Variants in LRRTM4 observed in about 807,000 individuals in gnomAD.
The protein encoded by LRRTM4 is leucine rich repeat transmembrane neuronal 4, also known as leucine-rich repeat transmembrane neuronal protein 4.
LRRTM4 carries 25 observed loss-of-function variants against 47.6 expected under a neutral mutation model. The ratio of observed to expected loss-of-function variants is 0.53; its 90% CI spans 0.38 to 0.73. LRRTM4 has a LOEUF of 0.73. LRRTM4 is among the 30% of genes least tolerant of loss of function. The pLI is 0.00. For missense variants in LRRTM4, 638 were observed against 713.4 expected, an observed-to-expected ratio of 0.89 and a Z score of 1.20; for synonymous variants, 311 against 269.5, an observed-to-expected ratio of 1.15 and a Z score of -1.51.
chr2:76,877,672 T>C (rs1459122060), intron 3 of LRRTM4, among the ~76,000 whole-genome samples: 1 of 152,190 alleles, frequency 6.6e-6, no homozygotes, highest in Admixed American at 6.5e-5. Context: ...TATTTTCTTA[T>C]GATAAAAACT....
chr2:76,808,253 C>T (rs1260484651), intron 3 of LRRTM4, among the ~76,000 whole-genome samples: 8 of 152,166 alleles, frequency 5.3e-5, no homozygotes, highest in South Asian at 2.1e-4. Flanking sequence ...CTCCTGACTT[C>T]GTGATCCGCC....
At chr2:76,792,102 T>C (rs943434088) in intron 3 of LRRTM4, among the ~76,000 whole-genome samples, 1 of 151,748 alleles carries the variant, frequency 6.6e-6, no homozygotes, top group African/African-American at 2.4e-5. Context: ...TAAATGCCCA[T>C]AGTTAGAGAA....
chr2:77,407,585 T>C (rs1247753698), intron 3 of LRRTM4, among the ~76,000 whole-genome samples: 1 of 144,378 alleles, frequency 6.9e-6, no homozygotes, highest in South Asian at 2.1e-4. Context: ...ATACATAATA[T>C]GATATATTTG....
intron 3 of LRRTM4, among the ~76,000 whole-genome samples, chr2:76,787,514 G>A (rs1674737818): frequency 6.6e-6 from 1 of 152,062 alleles, no homozygotes; most frequent in South Asian, 2.1e-4. Context: ...GCTCAAAATG[G>A]AGAGTGGAGG....
intron 3 of LRRTM4, among the ~76,000 whole-genome samples, chr2:76,925,935 A>G (rs767070243): frequency 2.0e-5 from 3 of 152,272 alleles, no homozygotes; most frequent in African/African-American, 4.8e-5. Flanking sequence ...TAGTTGTCAT[A>G]GTTGCTCTCC....
At chr2:77,442,596 A>G (rs902829016) in intron 3 of LRRTM4, among the ~76,000 whole-genome samples, 1 of 152,198 alleles carries the variant, frequency 6.6e-6, no homozygotes, top group Non-Finnish European at 1.5e-5. Flanking sequence ...CTGAAGACAT[A>G]AACAAGATCT....
At chr2:77,053,828 T>A (rs755969712) in intron 3 of LRRTM4, among the ~76,000 whole-genome samples, 1 of 152,182 alleles carries the variant, frequency 6.6e-6, no homozygotes, top group Non-Finnish European at 1.5e-5. Flanking sequence ...CCATTTAATA[T>A]GTTTGTGAAA....
intron 3 of LRRTM4, among the ~76,000 whole-genome samples, chr2:77,348,105 T>G (rs1331704643): frequency 1.3e-5 from 2 of 151,896 alleles, no homozygotes; most frequent in Admixed American, 1.3e-4. Context: ...GCCTCTTTCA[T>G]ATACTTCTGC....
chr2:77,329,185 G>C (rs1213046738), intron 3 of LRRTM4, among the ~76,000 whole-genome samples: 1 of 152,166 alleles, frequency 6.6e-6, no homozygotes, highest in Non-Finnish European at 1.5e-5. Context: ...AATATACTCA[G>C]CTAAGAATGG....
chr2:77,389,582 C>T (rs1361484509), intron 3 of LRRTM4, among the ~76,000 whole-genome samples: 1 of 152,062 alleles, frequency 6.6e-6, no homozygotes, highest in Non-Finnish European at 1.5e-5. Flanking sequence ...ATTCATTTAG[C>T]AGAGTGGATT....
chr2:77,067,702 CACACACACACACACAT>C (rs1245836279), intron 3 of LRRTM4, among the ~76,000 whole-genome samples: 1 of 151,526 alleles, frequency 6.6e-6, no homozygotes, highest in African/African-American at 2.4e-5. Flanking sequence ...CACACACACA[CACACACACACACACAT>C]ACATATTTCA....
At chr2:77,443,273 A>T (rs1399492362) in intron 3 of LRRTM4, among the ~76,000 whole-genome samples, 1 of 152,142 alleles carries the variant, frequency 6.6e-6, no homozygotes, top group African/African-American at 2.4e-5. Context: ...TAAGCTTATA[A>T]ATGATGACTT....
chr2:77,017,728 TAGA>T (rs1417533849), intron 3 of LRRTM4, among the ~76,000 whole-genome samples: 2 of 152,078 alleles, frequency 1.3e-5, no homozygotes, highest in Admixed American at 6.5e-5. Flanking sequence ...GAAAAATAAA[TAGA>T]AGAGGAGAAT....
chr2:76,883,036 A>G (rs768327074), intron 3 of LRRTM4, among the ~76,000 whole-genome samples: 1 of 152,132 alleles, frequency 6.6e-6, no homozygotes, highest in Non-Finnish European at 1.5e-5. Flanking sequence ...TCAACTCCTT[A>G]CCATGGCCAT....
chr2:77,197,204 T>A (rs1673853510), intron 3 of LRRTM4, among the ~76,000 whole-genome samples: 1 of 152,158 alleles, frequency 6.6e-6, no homozygotes, highest in Non-Finnish European at 1.5e-5. Context: ...AATCATAAAC[T>A]AGTTAATTAA....
At chr2:77,422,231 G>C (rs1234708423) in intron 3 of LRRTM4, among the ~76,000 whole-genome samples, 1 of 152,188 alleles carries the variant, frequency 6.6e-6, no homozygotes, top group Non-Finnish European at 1.5e-5. Flanking sequence ...AAGTATTCCA[G>C]CTAATGAAAG....
At chr2:76,886,279 A>G (rs1673073533) in intron 3 of LRRTM4, among the ~76,000 whole-genome samples, 1 of 152,188 alleles carries the variant, frequency 6.6e-6, no homozygotes, top group African/African-American at 2.4e-5. Context: ...TTTGGGTCCA[A>G]TACATTTTTG....
chr2:77,123,919 C>G (rs138723427), intron 3 of LRRTM4, among the ~76,000 whole-genome samples: 16 of 152,188 alleles, frequency 1.1e-4, no homozygotes, highest in African/African-American at 3.9e-4. Flanking sequence ...TCACACTTTA[C>G]ATGCCATTGC....
chr2:77,145,574 C>T (rs886482768), intron 3 of LRRTM4, among the ~76,000 whole-genome samples: 8 of 151,320 alleles, frequency 5.3e-5, no homozygotes, highest in African/African-American at 1.9e-4. Flanking sequence ...CGAGACCATC[C>T]TGGCTAACAT....
Sources: allele counts gnomAD v4.1 joint callset (sites outside exome capture counted in the v4.1 genomes callset), GRCh38; gene constraint gnomAD v4.1.1; transcripts MANE v1.5; gene names NCBI Gene and HGNC (gene_info 2026-07-23, HGNC 2026-07-21).